The following P2RX5 variants were observed in gnomAD, a reference collection of about 807,000 sequenced individuals.
P2RX5 encodes P2X purinoceptor 5.
In P2RX5, 46 loss-of-function variants were observed where a neutral mutation model predicts 54.1. That is an observed-to-expected ratio of 0.85 (90% CI 0.67 to 1.09). The LOEUF (loss-of-function observed/expected upper bound fraction) is 1.09. Among genes scored for constraint, P2RX5 ranks in the 50% least tolerant of loss-of-function variants. The probability of loss-of-function intolerance (pLI) is 0.00; values close to 1 mark genes in which losing one functional copy is unlikely to be tolerated. For missense variants in P2RX5, 566 were observed against 549.8 expected (o/e 1.03, Z -0.29); for synonymous variants, 226 against 226.4 (o/e 1.00, Z 0.02).
At chr17:3,718,940 T>C in the P2RX5 span, among the ~76,000 whole-genome samples, 1 of 152,120 alleles carries the variant, frequency 6.6e-6, no homozygotes, top group Non-Finnish European at 1.5e-5. Context: ...GTATTAGAAA[T>C]ACACTACTTA....
chr17:3,721,319 C>G, the P2RX5 span, among the ~76,000 whole-genome samples: 1 of 126,834 alleles, frequency 7.9e-6, no homozygotes, highest in Non-Finnish European at 1.6e-5. Flanking sequence ...TTACTCGGGC[C>G]GGAATGGAGT....
At chr17:3,691,977 G>C in intron 1 of P2RX5, 183 bp from the exon 2 acceptor site, 1 of 652,650 alleles carries the variant, frequency 1.5e-6, no homozygotes, top group Middle Eastern at 4.0e-4. Flanking sequence ...CTGAAACCCA[G>C]TCCTGCAAGC....
the P2RX5 span, chr17:3,714,611 C>T: frequency 5.1e-6 from 2 of 391,774 alleles, no homozygotes; most frequent in Non-Finnish European, 9.0e-6. Context: ...ACTGTATTTC[C>T]AGATTAAAGG....
chr17:3,674,199 T>C (rs892221201), intron 11 of P2RX5, among the ~76,000 whole-genome samples: 2 of 152,014 alleles, frequency 1.3e-5, no homozygotes, highest in Non-Finnish European at 2.9e-5. Context: ...TAGTCCCAGC[T>C]ACTCGGGAGG....
At chr17:3,723,799 C>T in the P2RX5 span, 7 of 1,591,790 alleles carry the variant, frequency 4.4e-6, no homozygotes, top group East Asian at 1.1e-4. Context: ...GCCAGTTTTC[C>T]GTCCCGTCCC....
intron 11 of P2RX5, chr17:3,675,544 T>C: frequency 1.0e-6 from 1 of 984,726 alleles, no homozygotes; most frequent in Non-Finnish European, 1.2e-6. Flanking sequence ...GTGGATCACC[T>C]GGATCTTCAC....
At chr17:3,721,286 T>TG in the P2RX5 span, among the ~76,000 whole-genome samples, 1 of 141,442 alleles carries the variant, frequency 7.1e-6, no homozygotes, top group South Asian at 2.4e-4. Flanking sequence ...TTTTTTTTTT[T>TG]TTTGAGACAA....
upstream of P2RX5, among the ~76,000 whole-genome samples, chr17:3,698,777 G>A (rs889177807): frequency 6.6e-6 from 1 of 151,982 alleles, no homozygotes; most frequent in Non-Finnish European, 1.5e-5. Flanking sequence ...CCACATGAGG[G>A]GCATCTAGAG....
chr17:3,677,179 G>A (rs2050123996), intron 11 of P2RX5: 1 of 985,282 alleles, frequency 1.0e-6, no homozygotes, highest in Non-Finnish European at 1.2e-6. Flanking sequence ...GGAGGGGAAT[G>A]AGGGCCTCCC....
chr17:3,723,603 A>AC, the P2RX5 span: 1 of 1,378,462 alleles, frequency 7.3e-7, no homozygotes, highest in Middle Eastern at 1.8e-4. Context: ...GGCAGGGGTA[A>AC]CCCAGGAAAA....
chr17:3,711,444 G>A, the P2RX5 span, among the ~76,000 whole-genome samples: 54,158 of 134,764 alleles, frequency 0.4, 12,252 homozygotes, highest in South Asian at 0.6. Context: ...GTGCAGTGGC[G>A]CGATCTTGGC....
chr17:3,681,955 T>C lies in P2RX5; in HGVS notation c.1005A>G (p.Val335=). 1 of 1,613,230 alleles carries C rather than the reference T, an allele frequency of 6.2e-7. No individual in the cohort carries two copies. Among genetic ancestry groups the C allele is most frequent in the Non-Finnish European group, 8.5e-7 (1 of 1,179,364 alleles). The change falls in exon 10 of 12, where the codon GTA becomes GTG. Residue 335 remains valine (V), a synonymous_variant. Coordinates refer to ENST00000225328, the MANE Select transcript of P2RX5 (RefSeq NM_002561.4). ...NGKGAFFCDL[V]LIYLIKKREF... ...CTCTCTTTTTGATGAGGTAGATGAGTACCAGGTCGCAGAAGAAAGCACCCT... is the reference window on the plus strand; with the variant it reads ...CTCTCTTTTTGATGAGGTAGATGAGCACCAGGTCGCAGAAGAAAGCACCCT...
chr17:3,712,613 C>G, the P2RX5 span, among the ~76,000 whole-genome samples: 2 of 152,206 alleles, frequency 1.3e-5, no homozygotes, highest in Non-Finnish European at 2.9e-5. Flanking sequence ...AAATTGTCTC[C>G]TTAGAAAAAT....
chr17:3,707,944 G>C, the P2RX5 span, among the ~76,000 whole-genome samples: 5 of 151,286 alleles, frequency 3.3e-5, no homozygotes, highest in African/African-American at 9.7e-5. Flanking sequence ...TGTAGTCCCA[G>C]CTACTTGAGA....
At chr17:3,706,048 G>A in the P2RX5 span, among the ~76,000 whole-genome samples, 4 of 152,084 alleles carry the variant, frequency 2.6e-5, no homozygotes, top group African/African-American at 7.2e-5. Context: ...TCTGTCTCCT[G>A]GGTTCAAGTG....
the P2RX5 span, chr17:3,723,664 G>A: frequency 3.2e-6 from 5 of 1,567,546 alleles, no homozygotes; most frequent in Non-Finnish European, 4.3e-6. Flanking sequence ...CCCTCCCCTG[G>A]CCTCTCGGGA....
chr17:3,699,881 G>A (rs12945255), upstream of P2RX5, among the ~76,000 whole-genome samples: 62 of 24,666 alleles, frequency 2.5e-3, 1 homozygote, highest in East Asian at 0.025. Context: ...AAGAAAGGAA[G>A]GAAGGAAGGA....
At chr17:3,720,310 A>C in the P2RX5 span, 2 of 1,519,366 alleles carry the variant, frequency 1.3e-6, no homozygotes, top group African/African-American at 2.7e-5. Flanking sequence ...GAATTACCTT[A>C]GTTCTGTGGT....
intron 11 of P2RX5, among the ~76,000 whole-genome samples, chr17:3,679,331 G>C (rs1415135877): frequency 6.6e-6 from 1 of 152,302 alleles, no homozygotes; most frequent in South Asian, 2.1e-4. Flanking sequence ...GGAGCAGCGC[G>C]CTGTTATCAT....
Sources: allele counts gnomAD v4.1 joint callset (sites outside exome capture counted in the v4.1 genomes callset), GRCh38; gene constraint gnomAD v4.1.1; transcripts MANE v1.5; gene names NCBI Gene and HGNC (gene_info 2026-07-23, HGNC 2026-07-21).